PAPPA: variants seen among roughly 807,000 people sequenced by gnomAD.
The protein encoded by PAPPA is pappalysin 1.
A neutral mutation model predicts 164.0 loss-of-function variants in PAPPA; 60 were observed. That is an observed-to-expected ratio of 0.37 (90% CI 0.30 to 0.45). The LOEUF is 0.45. PAPPA is among the 20% of genes least tolerant of loss of function. The pLI, the probability that PAPPA is intolerant of heterozygous loss-of-function variation, is 1.00. For synonymous variants in PAPPA, 875 were observed against 814.1 expected (o/e 1.07, Z -1.27); for missense variants, 1,782 against 2,087.3 (o/e 0.85, Z 2.85).
intron 10 of PAPPA, among the ~76,000 whole-genome samples, chr9:116,311,659 A>G (rs979804269): frequency 2.6e-5 from 4 of 152,182 alleles, no homozygotes; most frequent in Non-Finnish European, 4.4e-5. Context: ...CTGAGCCTCA[A>G]TTGTCCTCAT....
At chr9:116,294,687 T>G (rs1348867284) in intron 9 of PAPPA, among the ~76,000 whole-genome samples, 2 of 152,138 alleles carry the variant, frequency 1.3e-5, no homozygotes, top group African/African-American at 2.4e-5. Context: ...TTGTTGTGTG[T>G]GGGGGTGTTT....
chr9:116,369,810 T>TCTGC lies in PAPPA; in HGVS notation c.4605+2063_4605+2066dup, dbSNP rs532504237. Among the ~76,000 whole-genome samples the TCTGC allele has an allele frequency of 4.5e-3, 640 of 142,902 alleles. 2 individuals carry two copies. Among genetic ancestry groups the TCTGC allele is most frequent in the Admixed American group, 8.8e-3 (123 of 14,030 alleles). 93.7% of individuals were successfully genotyped at this position (142,902 alleles called of 152,430 possible). A position where few individuals can be genotyped will look rare whatever the true frequency, so the allele number is the denominator to read the frequency against. ...CCCATCCCCCAACCCAGTTCCCTGG[T>TCTGC]CTGCCTGCCTTTATTGATGCTGGCC... On this transcript the variant is annotated intron_variant, in intron 19 of 21. Transcript: ENST00000328252.
intron 21 of PAPPA, among the ~76,000 whole-genome samples, chr9:116,388,353 C>T (rs1278717915): frequency 2.0e-5 from 3 of 151,822 alleles, no homozygotes; most frequent in Non-Finnish European, 4.4e-5. Flanking sequence ...CCCTTCATGA[C>T]AAAAAAAATT....
chr9:116,314,111 C>T (rs1350706913), intron 10 of PAPPA, among the ~76,000 whole-genome samples: 6 of 108,988 alleles, frequency 5.5e-5, no homozygotes, highest in Non-Finnish European at 6.7e-5. Flanking sequence ...CTCACTCTTT[C>T]GCCAGGCTGG....
rs1843569514 is a variant in PAPPA at position 116,154,212 on chromosome 9, A to T, written c.40A>T (p.Ser14Cys). 2.0e-6 allele frequency: 3 copies of T among 1,475,542 alleles called. No homozygotes were observed. The African/African-American group carries it at 4.4e-5, about 22-fold the overall frequency. The allele number at this position is 1,475,542 out of a possible 1,614,324, so 91.4% of individuals were successfully genotyped here. Residue 14 changes from serine to cysteine, a missense_variant, in exon 1 of 22, where the codon AGC (serine) becomes TGC (cysteine). Physicochemically the swap from Ser to Cys is moderately radical, Grantham distance 112. Transcript: ENST00000328252. The surrounding 1 kb of genome is among the most constrained non-coding windows in gnomAD (Gnocchi z 5.2). ...TTGGGTGCTGCACCTGGGGCTGCTG[A>T]GCGCCGCGCTGGGCTGCGGGCTGGC... Reference protein sequence around the residue: ...WSWVLHLGLLSAALGCGLAER... With the variant: ...WSWVLHLGLLCAALGCGLAER...
chr9:116,283,964 C>T (rs911111915), intron 9 of PAPPA, among the ~76,000 whole-genome samples: 3 of 152,204 alleles, frequency 2.0e-5, no homozygotes, highest in Admixed American at 6.5e-5. Flanking sequence ...TACCTTTTTC[C>T]ACCTGAGAAG....
intron 15 of PAPPA, among the ~76,000 whole-genome samples, chr9:116,351,119 T>C (rs1289250882): frequency 2.0e-5 from 3 of 152,240 alleles, no homozygotes; most frequent in Admixed American, 6.5e-5. Context: ...CTAAATAATA[T>C]ACTTTTTAGG....
At chr9:116,223,648 G>A (rs1844471243) in intron 5 of PAPPA, among the ~76,000 whole-genome samples, 1 of 152,136 alleles carries the variant, frequency 6.6e-6, no homozygotes, top group Admixed American at 6.6e-5. Context: ...ATAGTCTATG[G>A]CTAAAAGAAG....
chr9:116,349,908 G>A lies in PAPPA; in HGVS notation c.3964+2699G>A, dbSNP rs572417880. Among the ~76,000 whole-genome samples the A allele has an allele frequency of 3.9e-5, 6 of 152,288 alleles. No individual in the cohort carries two copies. In the South Asian group the frequency reaches 6.2e-4, roughly 16 times the overall value. ...TGAGTCATGTTCCCCCAGGAAATAC[G>A]GTGGGGGAATGAGGACAGGAGACAT... On this transcript the variant is annotated intron_variant, in intron 15 of 21. Transcript: ENST00000328252.
At chr9:116,165,109 C>T (rs529222889) in intron 1 of PAPPA, among the ~76,000 whole-genome samples, 8 of 152,298 alleles carry the variant, frequency 5.3e-5, no homozygotes, top group African/African-American at 1.4e-4. Context: ...AGCTTTGTGT[C>T]ACAAAGCAAA....
chr9:116,279,088 C>T (rs972146735), intron 9 of PAPPA, among the ~76,000 whole-genome samples: 2 of 152,188 alleles, frequency 1.3e-5, no homozygotes, highest in African/African-American at 4.8e-5. Context: ...TCAGTTTCCC[C>T]ACTGTAAAAT....
intron 9 of PAPPA, among the ~76,000 whole-genome samples, chr9:116,272,142 C>T (rs111516233): frequency 1.1e-4 from 17 of 152,290 alleles, no homozygotes; most frequent in African/African-American, 3.8e-4. Flanking sequence ...TGGTCAGCCC[C>T]GGGCTGGTAA....
intron 1 of PAPPA, among the ~76,000 whole-genome samples, chr9:116,180,750 G>C (rs1280778794): frequency 6.6e-6 from 1 of 152,118 alleles, no homozygotes; most frequent in African/African-American, 2.4e-5. Context: ...TTGACTTAAA[G>C]CTTCCCAGGA....
intron 9 of PAPPA, among the ~76,000 whole-genome samples, chr9:116,282,390 A>G (rs971010927): frequency 6.6e-6 from 1 of 152,220 alleles, no homozygotes; most frequent in Admixed American, 6.5e-5. Context: ...ATGAATATGG[A>G]GGGCCAACTG....
At chr9:116,331,861 T>G (rs768862780) in intron 11 of PAPPA, among the ~76,000 whole-genome samples, 51 of 152,192 alleles carry the variant, frequency 3.4e-4, no homozygotes, top group Non-Finnish European at 1.3e-4. Context: ...TATTTAGCTT[T>G]CTCTCCTCAA....
intron 18 of PAPPA, among the ~76,000 whole-genome samples, chr9:116,365,518 A>C (rs542596270): frequency 6.7e-6 from 1 of 148,644 alleles, no homozygotes; most frequent in African/African-American, 2.5e-5. Context: ...TGACCGCTGC[A>C]TAGGACAGCA....
intron 10 of PAPPA, among the ~76,000 whole-genome samples, chr9:116,313,685 T>A (rs1437559895): frequency 6.6e-6 from 1 of 152,212 alleles, no homozygotes; most frequent in Non-Finnish European, 1.5e-5. Flanking sequence ...ATGAAAATGT[T>A]CTACATATGA....
chr9:116,353,532 A>G, intron 16 of PAPPA, 90 bp from the exon 17 acceptor site: 1 of 1,190,816 alleles, frequency 8.4e-7, no homozygotes, highest in South Asian at 1.4e-5. Flanking sequence ...AGGAAATAGG[A>G]AATGGGGGCC....
chr9:116,272,587 T>C (rs1008165285), intron 9 of PAPPA, among the ~76,000 whole-genome samples: 4 of 152,198 alleles, frequency 2.6e-5, no homozygotes, highest in African/African-American at 9.6e-5. Flanking sequence ...TGGCACCCAG[T>C]AGGGGTTGAG....
Sources: gnomAD v4.1 joint callset for allele counts (sites outside exome capture counted in the v4.1 genomes callset) on GRCh38, gnomAD v4.1.1 for gene constraint, Gnocchi (gnomAD v3.1) non-coding constraint, MANE v1.5 for transcripts, NCBI Gene and HGNC (gene_info 2026-07-23, HGNC 2026-07-21) for gene names.